GLG1: variants seen among roughly 807,000 people sequenced by gnomAD.
The protein encoded by GLG1 is Golgi apparatus protein 1.
GLG1 carries 38 observed loss-of-function variants against 160.5 expected under a neutral mutation model. The ratio of observed to expected loss-of-function variants is 0.24; its 90% CI spans 0.18 to 0.31. The LOEUF is 0.31. Ranked by LOEUF, GLG1 falls within the 10% of genes least tolerant of loss-of-function variation. GLG1 has a pLI of 1.00. For synonymous variants in GLG1, 644 were observed against 543.4 expected (o/e 1.19, Z -2.57); for missense variants, 1,373 against 1,505.2 (o/e 0.91, Z 1.45).
At position 74,496,476 on chromosome 16, in the gene GLG1, C is replaced by G; in HGVS notation, c.943G>C (p.Ala315Pro). 1 of 1,613,878 alleles carries G rather than the reference C, an allele frequency of 6.2e-7. No homozygotes were observed. ...AAACGCTCCCGATCATCTCGGCAAG[C>G]AAAATATAAATGCCGGTCTAAGTGA... ...DFHLDRHLYF[A>P]CRDDRERFCE... The change falls in exon 5 of 26, where the codon GCT becomes CCT. Residue 315 changes from alanine to proline, a missense_variant. Physicochemically the swap from Ala to Pro is conservative, Grantham distance 27. Around this residue, in one of 4 missense-constraint regions of GLG1, gnomAD observed 174 missense variants for 229.9 expected, o/e 0.76. Coordinates refer to ENST00000422840, the MANE Select transcript of GLG1 (RefSeq NM_001145667.2).
intron 1 of GLG1, among the ~76,000 whole-genome samples, chr16:74,535,793 A>G (rs1012729624): frequency 6.6e-6 from 1 of 152,208 alleles, no homozygotes; most frequent in African/African-American, 2.4e-5. Context: ...GGAATGCCGT[A>G]AAAACAAGGT....
intron 2 of GLG1, among the ~76,000 whole-genome samples, chr16:74,520,366 G>T (rs1443492486): frequency 1.3e-5 from 2 of 152,154 alleles, no homozygotes; most frequent in African/African-American, 4.8e-5. Flanking sequence ...GCCGGAGACG[G>T]TGGCTCACAC....
intron 1 of GLG1, among the ~76,000 whole-genome samples, chr16:74,590,011 G>GTTT (rs1555520462): frequency 4.0e-5 from 6 of 151,542 alleles, no homozygotes; most frequent in South Asian, 4.2e-4. Context: ...TGTTGTTGTT[G>GTTT]TTTTTTTGAG....
At position 74,451,935 on chromosome 16, in the gene GLG1, G is replaced by A; in HGVS notation, c.*1232C>T. On this transcript the variant is annotated 3_prime_UTR_variant, in exon 26 of 26. Transcript: ENST00000422840. Reference sequence around the variant, plus strand: ...CTAGAGTGGGTACACGCAGCAAATGGACAGAAAGAAAAAAAACAGAGCAAA... The same window carrying A: ...CTAGAGTGGGTACACGCAGCAAATGAACAGAAAGAAAAAAAACAGAGCAAA... The A allele has an allele frequency of 1.3e-6, 1 of 769,432 alleles. No homozygotes were observed. The highest frequency in any genetic ancestry group is 1.6e-5 in the South Asian group (1 of 63,552). 47.7% of individuals were successfully genotyped at this position (769,432 alleles called of 1,614,324 possible).
intron 12 of GLG1, among the ~76,000 whole-genome samples, chr16:74,475,157 C>CAAAAAA (rs58639513): frequency 3.8e-5 from 2 of 52,868 alleles, no homozygotes; most frequent in Admixed American, 2.4e-4. Flanking sequence ...AACTCCGTCT[C>CAAAAAA]AAAAAAAAAA....
chr16:74,574,930 G>C (rs1453770994), intron 1 of GLG1, among the ~76,000 whole-genome samples: 4 of 102,382 alleles, frequency 3.9e-5, no homozygotes, highest in Non-Finnish European at 7.3e-5. Context: ...GAGAGAGAGA[G>C]ACAGGAGGAA....
intron 19 of GLG1, among the ~76,000 whole-genome samples, chr16:74,464,186 TGATGTTAAGTTTAATGGCATCTGAGGA>T: frequency 6.6e-6 from 1 of 152,122 alleles, no homozygotes; most frequent in Non-Finnish European, 1.5e-5. Context: ...ATCTAGAGGG[TGATGTTAAGTTTAATGGCATCTGAGGA>T]ACTTATTGTT....
At chr16:74,559,818 C>G (rs2018457843) in intron 1 of GLG1, among the ~76,000 whole-genome samples, 1 of 151,970 alleles carries the variant, frequency 6.6e-6, no homozygotes, top group Non-Finnish European at 1.5e-5. Flanking sequence ...TCCACTGTCA[C>G]CTAAAATGTA....
At chr16:74,453,425 A>G in intron 25 of GLG1, 91 bp from the exon 26 acceptor site, 2 of 754,364 alleles carry the variant, frequency 2.7e-6, no homozygotes. Context: ...TTCCTAGTTT[A>G]ATTTATGTCT....
In GLG1 at chr16:74,471,302, T is replaced by C. The variant is rs1206864192; in HGVS notation, c.2116-16A>G. 1 of 1,324,100 alleles carries C rather than the reference T, an allele frequency of 7.6e-7. No individual in the cohort carries two copies. The highest frequency in any genetic ancestry group is 1.1e-6 in the Non-Finnish European group (1 of 915,304). 82.0% of individuals were successfully genotyped at this position (1,324,100 alleles called of 1,614,324 possible). On this transcript the variant is annotated splice_polypyrimidine_tract_variant and intron_variant, in intron 14 of 25. Coordinates refer to ENST00000422840, the MANE Select transcript of GLG1 (RefSeq NM_001145667.2). ...CTGCCACATCCTGGGGAAGACAGCA[T>C]GCATTTACACTTCATTGGTAACAAT...
At chr16:74,579,113 C>A (rs939604901) in intron 1 of GLG1, among the ~76,000 whole-genome samples, 2 of 152,112 alleles carry the variant, frequency 1.3e-5, no homozygotes, top group African/African-American at 4.8e-5. Context: ...CCCAGGAGTT[C>A]CAGGCTGTAG....
intron 7 of GLG1, among the ~76,000 whole-genome samples, chr16:74,492,055 C>T (rs963042578): frequency 7.9e-5 from 12 of 151,942 alleles, no homozygotes; most frequent in Non-Finnish European, 1.5e-4. Context: ...TCATGCTACC[C>T]TGAGTCTCCT....
At chr16:74,469,881 T>G in intron 16 of GLG1, 104 bp downstream of exon 16, 1 of 785,382 alleles carries the variant, frequency 1.3e-6, no homozygotes, top group South Asian at 1.4e-5. Context: ...CCTCCAGGGC[T>G]AACCCCACGA....
intron 13 of GLG1, among the ~76,000 whole-genome samples, chr16:74,473,900 CG>C (rs1291947404): frequency 6.6e-6 from 1 of 152,070 alleles, no homozygotes; most frequent in African/African-American, 2.4e-5. Flanking sequence ...GATGAGAGAA[CG>C]GGAATGTGTA....
At chr16:74,489,771 GCACA>G (rs140883729) in intron 8 of GLG1, among the ~76,000 whole-genome samples, 5 of 151,762 alleles carry the variant, frequency 3.3e-5, no homozygotes, top group South Asian at 2.1e-4. Flanking sequence ...GCATGCGTGC[GCACA>G]CACACACACA....
chr16:74,590,715 T>C (rs1597377920), intron 1 of GLG1, among the ~76,000 whole-genome samples: 1 of 146,964 alleles, frequency 6.8e-6, no homozygotes, highest in South Asian at 2.1e-4. Context: ...GAGAATCACT[T>C]GAACCTGGGA....
intron 1 of GLG1, among the ~76,000 whole-genome samples, chr16:74,573,753 G>T (rs2018905799): frequency 6.6e-6 from 1 of 150,822 alleles, no homozygotes; most frequent in Non-Finnish European, 1.5e-5. Flanking sequence ...CTCCCAAAGA[G>T]CTGGGATTAC....
chr16:74,544,779 T>G (rs1333468243), intron 1 of GLG1, among the ~76,000 whole-genome samples: 2 of 152,066 alleles, frequency 1.3e-5, no homozygotes, highest in Non-Finnish European at 2.9e-5. Flanking sequence ...GGATTACAGG[T>G]GTGAGCCACC....
At chr16:74,480,560 GTTT>G (rs977257775) in intron 10 of GLG1, among the ~76,000 whole-genome samples, 166 bp from the exon 11 acceptor site, 1 of 145,186 alleles carries the variant, frequency 6.9e-6, no homozygotes, top group African/African-American at 2.5e-5. Flanking sequence ...TTGTTCTTTT[GTTT>G]TTTTTTTTTG....
Sources: allele counts gnomAD v4.1 joint callset (sites outside exome capture counted in the v4.1 genomes callset), GRCh38; gene constraint gnomAD v4.1.1; regional missense constraint gnomAD v4.1.1; transcripts MANE v1.5; gene names NCBI Gene and HGNC (gene_info 2026-07-23, HGNC 2026-07-21).